Variants in ABCA3 observed in about 807,000 individuals in gnomAD.
ABCA3 encodes the protein phospholipid-transporting ATPase ABCA3.
In ABCA3, 88 loss-of-function variants were observed where a neutral mutation model predicts 172.8. That is an observed-to-expected ratio of 0.51 (90% CI 0.43 to 0.61). ABCA3 has a LOEUF of 0.61. ABCA3 is among the 20% of genes least tolerant of loss of function. ABCA3 has a pLI of 0.00. For synonymous variants in ABCA3, 1,066 were observed against 983.8 expected, an observed-to-expected ratio of 1.08 and a Z score of -1.56; for missense variants, 2,164 against 2,301.0, an observed-to-expected ratio of 0.94 and a Z score of 1.22.
At chr16:2,314,695 A>G (rs879260653) in intron 10 of ABCA3, among the ~76,000 whole-genome samples, 112 of 148,304 alleles carry the variant, frequency 7.6e-4, no homozygotes, top group African/African-American at 2.5e-3. Context: ...TCCTGCCTCA[A>G]CCTCCCAAGA....
chr16:2,293,630 C>T (rs930763802), intron 18 of ABCA3, among the ~76,000 whole-genome samples: 4 of 151,658 alleles, frequency 2.6e-5, no homozygotes, highest in Non-Finnish European at 4.4e-5. Flanking sequence ...ATCTGCCTCC[C>T]GGCTTCATGC....
chr16:2,316,725 T>C (rs1051908369), intron 10 of ABCA3, among the ~76,000 whole-genome samples: 4 of 149,928 alleles, frequency 2.7e-5, no homozygotes, highest in African/African-American at 7.4e-5. Flanking sequence ...AGAGTGGTGG[T>C]GAGGTTGGAG....
At chr16:2,317,897 G>C in intron 8 of ABCA3, 133 bp from the exon 9 acceptor site, 1 of 773,280 alleles carries the variant, frequency 1.3e-6, no homozygotes, top group Non-Finnish European at 2.2e-6. Flanking sequence ...TTACTATGTC[G>C]GCCAGGCTCA....
chr16:2,335,454 AGAGAC>A (rs890683503), intron 1 of ABCA3, among the ~76,000 whole-genome samples: 5 of 151,280 alleles, frequency 3.3e-5, no homozygotes, highest in Admixed American at 2.6e-4. Flanking sequence ...TTTTTTTTGT[AGAGAC>A]GAGTCTCACT....
chr16:2,294,175 GC>G (rs1388401749), intron 18 of ABCA3, among the ~76,000 whole-genome samples: 10 of 150,262 alleles, frequency 6.7e-5, no homozygotes, highest in Admixed American at 2.0e-4. Context: ...CCACCACCAC[GC>G]CCGGCTAATT....
intron 10 of ABCA3, among the ~76,000 whole-genome samples, chr16:2,311,047 C>T (rs1235406714): frequency 6.6e-6 from 1 of 152,020 alleles, no homozygotes; most frequent in African/African-American, 2.4e-5. Flanking sequence ...GACCTTGGCT[C>T]ACTGAAACGT....
At chr16:2,291,842 G>C (rs2093672564) in intron 19 of ABCA3, among the ~76,000 whole-genome samples, 2 of 152,152 alleles carry the variant, frequency 1.3e-5, no homozygotes, top group South Asian at 4.1e-4. Flanking sequence ...GGGAGGCCAA[G>C]GTGGGCGGAT....
intron 7 of ABCA3, among the ~76,000 whole-genome samples, chr16:2,322,027 G>A (rs45579535): frequency 0.019 from 2,955 of 152,034 alleles, 46 homozygotes; most frequent in Non-Finnish European, 0.029. Flanking sequence ...GTGAAACCCC[G>A]TCTCTACTAA....
Position 2,281,251 on chromosome 16 carries a change from G to A in ABCA3, c.4165-30C>T, listed in dbSNP as rs1283066058. 1.9e-6 allele frequency: 3 copies of A among 1,613,150 alleles called. No homozygotes were observed. Among genetic ancestry groups the A allele is most frequent in the African/African-American group, 2.7e-5 (2 of 74,936 alleles). The stretch of plus-strand genomic sequence containing the variant: ...AGGCACCCAACAGAAAACACGGAAT[G>A]CGGAGGCCTGGACGCAAAGCAGAGC... On this transcript the variant is annotated intron_variant, in intron 27 of 32. Transcript: ENST00000301732. This position sits in a 1 kb window ranked among gnomAD's most constrained non-coding sequence, Gnocchi z 4.7.
At chr16:2,310,502 C>G (rs928537531) in intron 10 of ABCA3, among the ~76,000 whole-genome samples, 1 of 151,798 alleles carries the variant, frequency 6.6e-6, no homozygotes, top group African/African-American at 2.4e-5. Context: ...AGTGGTTTTT[C>G]CAACTTTTTT....
chr16:2,284,291 A>G lies in ABCA3; in HGVS notation c.3850T>C (p.Cys1284Arg). The G allele has an allele frequency of 6.2e-7, 1 of 1,613,536 alleles. No individual in the cohort carries two copies. Among genetic ancestry groups the G allele is most frequent in the Non-Finnish European group, 8.5e-7 (1 of 1,179,838 alleles). The stretch of plus-strand genomic sequence containing the variant: ...CTGGGACACTCACTATATTTCTTGC[A>G]GTAGTGGGCGGCGACCTCGGAGGAG... The part of the protein sequence containing the change: ...CTSSEVAAHY[C>R]KKYNIQYQEN... Residue 1284 changes from cysteine (C) to arginine (R), a missense_variant, in exon 25 of 33, where the codon TGC becomes CGC. Transcript: ENST00000301732. This position sits in a 1 kb window ranked among gnomAD's most constrained non-coding sequence, Gnocchi z 5.9.
At chr16:2,307,303 C>A (rs1182142665) in intron 11 of ABCA3, among the ~76,000 whole-genome samples, 2 of 152,038 alleles carry the variant, frequency 1.3e-5, no homozygotes, top group Non-Finnish European at 2.9e-5. Flanking sequence ...CTCCTGTAAT[C>A]CTAGCACTTT....
intron 7 of ABCA3, among the ~76,000 whole-genome samples, chr16:2,320,582 A>G (rs2093724566): frequency 6.7e-6 from 1 of 150,082 alleles, no homozygotes; most frequent in Admixed American, 6.6e-5. Flanking sequence ...TATTTTTAGT[A>G]GAGACGGGGT....
At chr16:2,290,061 G>GC (rs1447860766) in intron 19 of ABCA3, among the ~76,000 whole-genome samples, 1 of 151,496 alleles carries the variant, frequency 6.6e-6, no homozygotes, top group Non-Finnish European at 1.5e-5. Context: ...CAGGCAGGAG[G>GC]CACCCCCCGG....
chr16:2,308,567 A>G lies in ABCA3; in HGVS notation c.1168T>C (p.Phe390Leu), dbSNP rs1428183993. The change falls in exon 11 of 33, where the codon TTC becomes CTC. Residue 390 changes from phenylalanine (F) to leucine (L), a missense_variant. Phe to Leu is a conservative substitution (Grantham distance 22). Around this residue, in one of 3 missense-constraint regions of ABCA3, gnomAD observed 1,343 missense variants for 1,369.6 expected, o/e 0.98. Transcript: ENST00000301732. ...FLYFFTYIPYFFVAPRYNWMT... is the reference protein window; with the variant it reads ...FLYFFTYIPYLFVAPRYNWMT... ...CAGTTGTACCGAGGGGCCACGAAGA[A>G]GTAGGGGATGTAGGTGAAGAAGTAG... 6.2e-7 allele frequency: 1 copy of G among 1,614,236 alleles called. No homozygotes were observed. The highest frequency in any genetic ancestry group is 8.5e-7 in the Non-Finnish European group (1 of 1,180,040).
At chr16:2,335,981 C>T (rs1050789827) in intron 1 of ABCA3, among the ~76,000 whole-genome samples, 1 of 151,988 alleles carries the variant, frequency 6.6e-6, no homozygotes, top group African/African-American at 2.4e-5. Flanking sequence ...GACATTTTTT[C>T]GTTTTTAATG....
intron 8 of ABCA3, 68 bp downstream of exon 8, chr16:2,319,513 C>A (rs866496960): frequency 6.4e-7 from 1 of 1,574,190 alleles, no homozygotes. Context: ...AAACACCAAG[C>A]CTTTGGACAT....
chr16:2,295,777 T>TC, intron 17 of ABCA3, 37 bp from the exon 18 acceptor site: 2 of 1,613,006 alleles, frequency 1.2e-6, no homozygotes. Flanking sequence ...CTTTGGCTGA[T>TC]CCCCCAGGTC....
At position 2,303,978 on chromosome 16, in the gene ABCA3, G is replaced by C; in HGVS notation, c.1458C>G (p.Phe486Leu). 4 of 1,614,106 alleles carry C rather than the reference G, an allele frequency of 2.5e-6. No individual in the cohort carries two copies. Among genetic ancestry groups the C allele is most frequent in the Non-Finnish European group, 3.4e-6 (4 of 1,180,004 alleles). Residue 486 changes from phenylalanine to leucine, a missense_variant, in exon 12 of 33, where the codon TTC (phenylalanine) becomes TTG (leucine). Phe to Leu is a conservative substitution (Grantham distance 22). Coordinates refer to ENST00000301732, the MANE Select transcript of ABCA3 (RefSeq NM_001089.3). Reference protein sequence around the residue: ...GQFGVPQPWYFFIMPSYWCGK... With the variant: ...GQFGVPQPWYLFIMPSYWCGK... Reference sequence around the variant, plus strand: ...GGGCATCAGAACTCACCATGATGAAGAAGTACCAGGGCTGAGGCACGCCGA... The same window carrying C: ...GGGCATCAGAACTCACCATGATGAACAAGTACCAGGGCTGAGGCACGCCGA...
Sources: gnomAD v4.1 joint callset for allele counts (sites outside exome capture counted in the v4.1 genomes callset) on GRCh38, gnomAD v4.1.1 for gene constraint, gnomAD v4.1.1 regional missense constraint, Gnocchi (gnomAD v3.1) non-coding constraint, MANE v1.5 for transcripts, NCBI Gene and HGNC (gene_info 2026-07-23, HGNC 2026-07-21) for gene names.